Variants in CPAP observed in about 807,000 individuals in gnomAD.
CPAP encodes the protein centrosome assembly and centriole elongation protein, also known as centrosomal P4.1-associated protein.
At chr13:24,905,292 A>T in the CPAP span, 1 of 1,515,348 alleles carries the variant, frequency 6.6e-7, no homozygotes, top group Non-Finnish European at 9.2e-7. Flanking sequence ...CAGCATACTG[A>T]TTAATGTTAA....
the CPAP span, chr13:24,886,535 T>C: frequency 2.3e-6 from 1 of 431,714 alleles, no homozygotes; most frequent in Non-Finnish European, 4.5e-6. Flanking sequence ...CTACTGGGAG[T>C]GGATGGTGAA....
chr13:24,909,916 T>C, the CPAP span: 14 of 1,614,116 alleles, frequency 8.7e-6, no homozygotes, highest in Non-Finnish European at 1.2e-5. Flanking sequence ...CCATGAGCAG[T>C]TCTACAGAAG....
At chr13:24,924,900 T>C in the CPAP span, 2 of 152,124 alleles carry the variant, frequency 1.3e-5, 1 homozygote, top group Non-Finnish European at 2.9e-5. Context: ...TGGATAATAA[T>C]GAGACCTTCA....
the CPAP span, among the ~76,000 whole-genome samples, chr13:24,925,626 A>AC: frequency 6.6e-6 from 1 of 152,188 alleles, no homozygotes; most frequent in African/African-American, 2.4e-5. Flanking sequence ...GTGGGGGAGG[A>AC]CATCAGGGCT....
chr13:24,890,119 A>C, the CPAP span, among the ~76,000 whole-genome samples: 6 of 152,250 alleles, frequency 3.9e-5, no homozygotes, highest in Admixed American at 3.3e-4. Context: ...TCTCTTCAAA[A>C]GTTAATGCAA....
the CPAP span, chr13:24,884,000 T>C: frequency 6.2e-7 from 1 of 1,614,200 alleles, no homozygotes; most frequent in South Asian, 1.1e-5. Flanking sequence ...GGGAAAATGC[T>C]TTCTTCTTGT....
chr13:24,904,283 G>A, the CPAP span, among the ~76,000 whole-genome samples: 2 of 152,078 alleles, frequency 1.3e-5, no homozygotes, highest in African/African-American at 4.8e-5. Context: ...AAAGAGTATC[G>A]ACCTGACAAG....
At chr13:24,932,983 A>G in the CPAP span, 4 of 1,531,832 alleles carry the variant, frequency 2.6e-6, no homozygotes, top group Non-Finnish European at 3.6e-6. Flanking sequence ...GAGGGTCCTT[A>G]AAAACTTTGT....
chr13:24,909,752 C>T, the CPAP span: 13 of 1,568,638 alleles, frequency 8.3e-6, no homozygotes, highest in South Asian at 9.0e-5. Context: ...AACTTAGTAA[C>T]ACTATAAGCA....
the CPAP span, among the ~76,000 whole-genome samples, chr13:24,900,180 C>G: frequency 3.9e-5 from 6 of 152,238 alleles, no homozygotes; most frequent in African/African-American, 1.4e-4. Context: ...ATGAGAGAGC[C>G]AGTCACAAGG....
the CPAP span, chr13:24,905,342 TCAC>T: frequency 1.2e-6 from 2 of 1,612,984 alleles, no homozygotes; most frequent in Non-Finnish European, 8.5e-7. Flanking sequence ...ATGCTCTGAC[TCAC>T]CAGGTGGTTG....
chr13:24,917,203 G>A, the CPAP span, among the ~76,000 whole-genome samples: 2 of 152,100 alleles, frequency 1.3e-5, no homozygotes, highest in Non-Finnish European at 1.5e-5. Flanking sequence ...GCAGTGAGCC[G>A]AGATCGCGCC....
chr13:24,911,957 C>T, the CPAP span: 8 of 1,614,068 alleles, frequency 5.0e-6, no homozygotes, highest in South Asian at 6.6e-5. Context: ...TGGAAGTGTG[C>T]ACTGCCCAGA....
the CPAP span, chr13:24,882,926 AC>A: frequency 2.0e-6 from 1 of 487,990 alleles, no homozygotes; most frequent in South Asian, 2.2e-5. Context: ...TACTGTAAAA[AC>A]CTGTACACAA....
chr13:24,897,568 T>C, the CPAP span, among the ~76,000 whole-genome samples: 1 of 152,158 alleles, frequency 6.6e-6, no homozygotes, highest in Non-Finnish European at 1.5e-5. Context: ...CAGAAATACA[T>C]AGTGCTTAGG....
the CPAP span, chr13:24,910,029 G>C: frequency 3.1e-6 from 5 of 1,613,824 alleles, no homozygotes; most frequent in Non-Finnish European, 3.4e-6. Context: ...CTCTCCAGTG[G>C]TGGTATTTCC....
chr13:24,923,625 ACAG>A, the CPAP span, among the ~76,000 whole-genome samples: 1 of 152,210 alleles, frequency 6.6e-6, no homozygotes, highest in Non-Finnish European at 1.5e-5. Flanking sequence ...GTCTGATTAA[ACAG>A]CAGGCCAAGT....
chr13:24,885,617 C>T, the CPAP span: 11 of 1,609,872 alleles, frequency 6.8e-6, no homozygotes, highest in Middle Eastern at 4.9e-4. Flanking sequence ...TGTCCCTTAT[C>T]CAAATTGCCT....
At chr13:24,906,247 T>C in the CPAP span, 1 of 1,604,874 alleles carries the variant, frequency 6.2e-7, no homozygotes, top group Non-Finnish European at 8.5e-7. Context: ...AGATTTTCAG[T>C]ACAAATGAGG....
Sources: gnomAD v4.1 joint callset for allele counts (sites outside exome capture counted in the v4.1 genomes callset) on GRCh38, gnomAD v4.1.1 for gene constraint, MANE v1.5 for transcripts, NCBI Gene and HGNC (gene_info 2026-07-23, HGNC 2026-07-21) for gene names.